CNTNAP2: variants seen among roughly 807,000 people sequenced by gnomAD.
CNTNAP2 encodes contactin associated protein 2.
A neutral mutation model predicts 155.2 loss-of-function variants in CNTNAP2; 98 were observed. The observed-to-expected ratio is 0.63, with a 90% CI of 0.54 to 0.75. The LOEUF is 0.75. CNTNAP2 is among the 30% of genes least tolerant of loss of function. The pLI is 0.00. For synonymous variants in CNTNAP2, 651 were observed against 631.2 expected (o/e 1.03, Z -0.47); for missense variants, 1,727 against 1,688.1 (o/e 1.02, Z -0.40).
At chr7:146,715,315 A>G (rs1376104378) in intron 1 of CNTNAP2, among the ~76,000 whole-genome samples, 1 of 152,182 alleles carries the variant, frequency 6.6e-6, no homozygotes, top group Admixed American at 6.6e-5. Context: ...CTGAGCAACA[A>G]GAGCGAAACT....
chr7:146,673,337 T>C (rs978777741), intron 1 of CNTNAP2, among the ~76,000 whole-genome samples: 3 of 152,192 alleles, frequency 2.0e-5, no homozygotes, highest in Non-Finnish European at 4.4e-5. Context: ...ACTCATAATA[T>C]GTCATACATA....
At chr7:147,044,627 G>C (rs968357972) in intron 4 of CNTNAP2, among the ~76,000 whole-genome samples, 1 of 152,070 alleles carries the variant, frequency 6.6e-6, no homozygotes, top group Non-Finnish European at 1.5e-5. Flanking sequence ...ATATTTTAAA[G>C]CTCCCTTGTT....
intron 1 of CNTNAP2, among the ~76,000 whole-genome samples, chr7:146,484,275 T>G (rs932917714): frequency 6.6e-6 from 1 of 152,190 alleles, no homozygotes; most frequent in African/African-American, 2.4e-5. Flanking sequence ...AACACCACAT[T>G]TCTCAGAATA....
chr7:147,884,158 C>G (rs1799568472), intron 13 of CNTNAP2, among the ~76,000 whole-genome samples: 1 of 152,118 alleles, frequency 6.6e-6, no homozygotes, highest in Non-Finnish European at 1.5e-5. Context: ...CTGCCAAGCC[C>G]TAAAGTGGGA....
intron 1 of CNTNAP2, among the ~76,000 whole-genome samples, chr7:146,212,664 AATG>A (rs751105023): frequency 4.6e-5 from 7 of 152,184 alleles, no homozygotes; most frequent in Non-Finnish European, 7.3e-5. Flanking sequence ...TTTAAGTTTG[AATG>A]ATGAGAAGAT....
chr7:146,316,507 A>G (rs758258511), intron 1 of CNTNAP2, among the ~76,000 whole-genome samples: 4 of 152,238 alleles, frequency 2.6e-5, no homozygotes, highest in South Asian at 4.1e-4. Context: ...AAACCAAAAC[A>G]TAGGGCTGAG....
intron 4 of CNTNAP2, among the ~76,000 whole-genome samples, chr7:147,103,554 C>T (rs1800695448): frequency 1.3e-5 from 2 of 151,924 alleles, no homozygotes; most frequent in African/African-American, 2.4e-5. Context: ...GGTTAATATA[C>T]ATTTTTACTA....
intron 1 of CNTNAP2, among the ~76,000 whole-genome samples, chr7:146,118,983 A>G (rs1200831363): frequency 6.6e-6 from 1 of 152,150 alleles, no homozygotes; most frequent in East Asian, 1.9e-4. Flanking sequence ...ACAGAACTTT[A>G]TTGATTAGAA....
intron 13 of CNTNAP2, among the ~76,000 whole-genome samples, chr7:147,702,378 A>G (rs1563058183): frequency 6.6e-6 from 1 of 152,178 alleles, no homozygotes; most frequent in Non-Finnish European, 1.5e-5. Flanking sequence ...ATTAAAATAA[A>G]TGGGTTAGCT....
At chr7:146,822,475 A>G (rs991213630) in intron 2 of CNTNAP2, among the ~76,000 whole-genome samples, 2 of 151,306 alleles carry the variant, frequency 1.3e-5, no homozygotes, top group Non-Finnish European at 2.9e-5. Flanking sequence ...GTGTAATAAT[A>G]ATACAAAAAT....
intron 8 of CNTNAP2, among the ~76,000 whole-genome samples, chr7:147,277,268 T>C (rs1010270243): frequency 3.9e-5 from 6 of 151,970 alleles, no homozygotes; most frequent in African/African-American, 7.2e-5. Flanking sequence ...CAAAACTAGA[T>C]TGAATTCTCC....
chr7:148,388,700 A>G (rs1799275021), intron 22 of CNTNAP2, among the ~76,000 whole-genome samples: 1 of 152,076 alleles, frequency 6.6e-6, no homozygotes, highest in South Asian at 2.1e-4. Context: ...TGATGTACAG[A>G]TGGGTTTTTG....
At chr7:147,997,878 A>T (rs1325150803) in intron 15 of CNTNAP2, among the ~76,000 whole-genome samples, 1 of 152,168 alleles carries the variant, frequency 6.6e-6, no homozygotes, top group East Asian at 1.9e-4. Context: ...TCTCATTAAC[A>T]TCTTAAATCT....
chr7:147,033,985 G>A (rs1799096301), intron 3 of CNTNAP2, among the ~76,000 whole-genome samples: 1 of 152,128 alleles, frequency 6.6e-6, no homozygotes, highest in East Asian at 1.9e-4. Flanking sequence ...GACAGAGCAG[G>A]ACATATGCAG....
intron 1 of CNTNAP2, among the ~76,000 whole-genome samples, chr7:146,282,491 C>A (rs1800267185): frequency 6.6e-6 from 1 of 152,142 alleles, no homozygotes; most frequent in Admixed American, 6.5e-5. Context: ...GAAATCCAAA[C>A]CAAAAGTTAG....
chr7:147,230,470 A>T (rs1803654925), intron 8 of CNTNAP2, among the ~76,000 whole-genome samples: 1 of 151,980 alleles, frequency 6.6e-6, no homozygotes, highest in African/African-American at 2.4e-5. Context: ...GTTGGCCAGG[A>T]TGGATTTGAT....
At chr7:146,512,594 C>T (rs1025793907) in intron 1 of CNTNAP2, among the ~76,000 whole-genome samples, 3 of 150,612 alleles carry the variant, frequency 2.0e-5, no homozygotes, top group Non-Finnish European at 4.4e-5. Context: ...CGTAGAGTTT[C>T]CAAGGTTTTT....
chr7:146,812,303 A>G (rs1474163733), intron 2 of CNTNAP2, among the ~76,000 whole-genome samples: 1 of 151,948 alleles, frequency 6.6e-6, no homozygotes, highest in African/African-American at 2.4e-5. Flanking sequence ...AACTAGAACA[A>G]AGGTGACACT....
At chr7:146,175,507 G>C (rs1381147933) in intron 1 of CNTNAP2, among the ~76,000 whole-genome samples, 1 of 152,176 alleles carries the variant, frequency 6.6e-6, no homozygotes, top group Non-Finnish European at 1.5e-5. Flanking sequence ...GATGGGCAAA[G>C]ATGTATTACA....
Sources: allele counts gnomAD v4.1 joint callset (sites outside exome capture counted in the v4.1 genomes callset), GRCh38; gene constraint gnomAD v4.1.1; transcripts MANE v1.5; gene names NCBI Gene and HGNC (gene_info 2026-07-23, HGNC 2026-07-21).